The following CUBN variants were observed in gnomAD, a reference collection of about 807,000 sequenced individuals.
CUBN encodes 460 kDa receptor.
Under a neutral mutation model 405.3 loss-of-function variants are expected in CUBN, and 282 were observed. That is an observed-to-expected ratio of 0.70 (90% CI 0.63 to 0.77). The LOEUF is 0.77. Ranked by LOEUF, CUBN falls within the 30% of genes least tolerant of loss-of-function variation. The probability of loss-of-function intolerance (pLI) is 0.00; values close to 1 mark genes in which losing one functional copy is unlikely to be tolerated. For missense variants in CUBN, 4,514 were observed against 4,475.2 expected, an observed-to-expected ratio of 1.01 and a Z score of -0.25; for synonymous variants, 1,684 against 1,617.0, an observed-to-expected ratio of 1.04 and a Z score of -0.99.
chr10:17,056,803 A>G (rs1320219514), intron 22 of CUBN, among the ~76,000 whole-genome samples: 1 of 152,156 alleles, frequency 6.6e-6, no homozygotes, highest in Non-Finnish European at 1.5e-5. Flanking sequence ...CTTGCAATAC[A>G]TTTATCTGGC....
chr10:16,937,257 T>A (rs779209125), intron 39 of CUBN, among the ~76,000 whole-genome samples: 3 of 151,722 alleles, frequency 2.0e-5, no homozygotes, highest in Non-Finnish European at 2.9e-5. Flanking sequence ...AACTAACTGA[T>A]TGTGTGTGTG....
intron 14 of CUBN, among the ~76,000 whole-genome samples, chr10:17,099,013 T>A (rs1836436665): frequency 6.6e-6 from 1 of 152,204 alleles, no homozygotes; most frequent in African/African-American, 2.4e-5. Flanking sequence ...GTAATTCCCA[T>A]AAAATTCTTT....
chr10:17,024,208 A>G lies in CUBN; in HGVS notation c.4018-4225T>C, dbSNP rs78072397. 9.2e-5 allele frequency among the ~76,000 whole-genome samples: 14 copies of G among 152,332 alleles called. No individual in the cohort carries two copies. The East Asian group carries it at 2.5e-3, about 27-fold the overall frequency. ...AACAAAGGGGAGGATATAACACTAA[A>G]GACACCACGTGTGGTCAATCACTGA... On this transcript the variant is annotated intron_variant, in intron 27 of 66. Coordinates refer to ENST00000377833, the MANE Select transcript of CUBN (RefSeq NM_001081.4).
At chr10:17,050,616 G>T (rs946490828) in intron 22 of CUBN, among the ~76,000 whole-genome samples, 12 of 152,184 alleles carry the variant, frequency 7.9e-5, no homozygotes, top group African/African-American at 2.9e-4. Flanking sequence ...CTGCTACTAG[G>T]CTGGAAGCGG....
chr10:16,898,983 CA>C lies in CUBN; in HGVS notation c.8598+12del, dbSNP rs1313137180. Reference sequence around the variant, plus strand: ...ACCAACTTGGCTCCAATTAAATGAACAAGTGTACTAACCTTCACGAAGCTAT... The same window carrying C: ...ACCAACTTGGCTCCAATTAAATGAACAGTGTACTAACCTTCACGAAGCTAT... On this transcript the variant is annotated intron_variant, in intron 54 of 66. Coordinates refer to ENST00000377833, the MANE Select transcript of CUBN (RefSeq NM_001081.4). 1.1e-5 allele frequency: 17 copies of C among 1,583,532 alleles called. No homozygotes were observed. Among genetic ancestry groups the C allele is most frequent in the Admixed American group, 1.7e-5 (1 of 59,948 alleles).
chr10:16,842,507 G>A (rs2131323260), intron 60 of CUBN, among the ~76,000 whole-genome samples: 1 of 152,146 alleles, frequency 6.6e-6, no homozygotes, highest in East Asian at 1.9e-4. Context: ...AGTCATCTCT[G>A]ATTCCTCTCT....
At chr10:16,926,809 T>TTCTATCTATCTA (rs72523233) in intron 41 of CUBN, among the ~76,000 whole-genome samples, 1,689 of 41,686 alleles carry the variant, frequency 0.041, 11 homozygotes, top group African/African-American at 0.051. Context: ...AAATTTTTTT[T>TTCTATCTATCTA]TCTATCTATC....
rs761160932 is a variant in CUBN, at chr10:16,982,628, G to T, written c.4551C>A (p.Pro1517=). ...AATTTGGAGAATGAATCTCTCCACT[G>T]GGAGCCTGGAAAATCCCACCACAAC... ...TGGCGGIFQA[P]SGEIHSPNYP... is the part of the protein sequence containing the mutation. The change falls in exon 31 of 67, where the codon CCC becomes CCA. Residue 1517 remains proline, a synonymous_variant. Coordinates refer to ENST00000377833, the MANE Select transcript of CUBN (RefSeq NM_001081.4). The T allele has an allele frequency of 6.8e-6, 11 of 1,613,222 alleles. No individual in the cohort carries two copies. The highest frequency in any genetic ancestry group is 9.3e-6 in the Non-Finnish European group (11 of 1,179,370).
rs147267433 is a variant in CUBN at position 16,925,365 on chromosome 10, A to G, written c.6522T>C (p.His2174=). 6.2e-7 allele frequency: 1 copy of G among 1,613,882 alleles called. No individual in the cohort carries two copies. The highest frequency in any genetic ancestry group is 8.5e-7 in the Non-Finnish European group (1 of 1,179,888). The change falls in exon 43 of 67, where the codon CAT becomes CAC. Residue 2174 remains histidine (H), a synonymous_variant. Transcript: ENST00000377833. ...TTGATGAAGCATGACTGCCACAAAA[A>G]TGACCATTTCCTCCAGGGGGTCCCA... ...PPLGPPGGNG[H]FCGSHASSTL...
intron 44 of CUBN, among the ~76,000 whole-genome samples, chr10:16,919,262 T>C (rs1841970325): frequency 6.6e-6 from 1 of 152,190 alleles, no homozygotes; most frequent in East Asian, 1.9e-4. Context: ...GTATCTAACG[T>C]TTCTTCAGGA....
chr10:16,867,659 C>T (rs994030208), intron 59 of CUBN, among the ~76,000 whole-genome samples: 23 of 152,284 alleles, frequency 1.5e-4, no homozygotes, highest in Admixed American at 1.1e-3. Flanking sequence ...CAAGGAGTTC[C>T]GTTTCTACAT....
chr10:16,890,334 G>T (rs376972699), intron 55 of CUBN, 37 bp downstream of exon 55: 2 of 1,609,922 alleles, frequency 1.2e-6, no homozygotes, highest in South Asian at 1.1e-5. Flanking sequence ...CCACACTCCC[G>T]CAAAGACCTC....
At chr10:16,994,473 C>T (rs1833676415) in intron 28 of CUBN, among the ~76,000 whole-genome samples, 1 of 152,094 alleles carries the variant, frequency 6.6e-6, no homozygotes, top group Non-Finnish European at 1.5e-5. Flanking sequence ...GAATAAATAA[C>T]TCATCCTGCC....
At position 16,836,343 on chromosome 10, in the gene CUBN, C is replaced by T; in HGVS notation, c.10072G>A (p.Ala3358Thr). ...NSRFQFCGRN[A>T]SAVPVFYSSM... ...GAATAAAACACTGGCACAGCCGAAG[C>T]ATTTCTGCCACAGAACTGAAATCTT... Residue 3358 changes from alanine to threonine, a missense_variant, in exon 63 of 67, where the codon GCT becomes ACT. Ala to Thr is a moderately conservative substitution (Grantham distance 58). Coordinates refer to ENST00000377833, the MANE Select transcript of CUBN (RefSeq NM_001081.4). 1 of 1,614,002 alleles carries T rather than the reference C, an allele frequency of 6.2e-7. No homozygotes were observed. The highest frequency in any genetic ancestry group is 1.3e-5 in the African/African-American group (1 of 75,054).
In CUBN at chr10:17,127,936, A is replaced by C; in HGVS notation, c.253-12T>G. On this transcript the variant is annotated splice_polypyrimidine_tract_variant and intron_variant, in intron 2 of 66. Transcript: ENST00000377833. ...TTGTTTTTCTGGATCTAATTTTAGA[A>C]AAAGAAGAAGAAATGAAGAGCACTA... The C allele has an allele frequency of 6.4e-7, 1 of 1,552,528 alleles. No individual in the cohort carries two copies. The highest frequency in any genetic ancestry group is 8.9e-7 in the Non-Finnish European group (1 of 1,126,328).
chr10:17,056,499 C>T lies in CUBN; in HGVS notation c.3140-8896G>A, dbSNP rs532088527. On this transcript the variant is annotated intron_variant, in intron 22 of 66. Coordinates refer to ENST00000377833, the MANE Select transcript of CUBN (RefSeq NM_001081.4). ...TGGCGGGCGCCTGCAGTCCCAGCTACTCGGGAGGCTGAGGCAAGAGAATGG... is the reference window on the plus strand; with the variant it reads ...TGGCGGGCGCCTGCAGTCCCAGCTATTCGGGAGGCTGAGGCAAGAGAATGG... Among the ~76,000 whole-genome samples, 269 of 152,048 alleles carry T rather than the reference C, an allele frequency of 1.8e-3. 2 individuals are homozygous for T. The highest frequency in any genetic ancestry group is 6.3e-3 in the African/African-American group (260 of 41,510).
Position 16,829,038 on chromosome 10 carries a change from A to G in CUBN, c.10531T>C (p.Cys3511Arg). 2 of 1,613,108 alleles carry G rather than the reference A, an allele frequency of 1.2e-6. No homozygotes were observed. ...CTGTCTCCATAAAGAGTTCCACCAC[A>G]TCCTGCAAGGAAAACAGGACAGGAA... ...EIIWTSSPSG[C>R]GGTLYGDRGS... Residue 3511 changes from cysteine (C) to arginine (R), a missense_variant and splice_region_variant, in exon 66 of 67, where the codon TGT (cysteine) becomes CGT (arginine). Physicochemically the swap from Cys to Arg is radical, Grantham distance 180. This residue lies in a region of CUBN where 1,186 missense variants were observed against 1,186.9 expected (regional missense o/e 1.00). Coordinates refer to ENST00000377833, the MANE Select transcript of CUBN (RefSeq NM_001081.4).
chr10:17,048,001 G>C (rs1835178929), intron 22 of CUBN, among the ~76,000 whole-genome samples: 1 of 152,210 alleles, frequency 6.6e-6, no homozygotes, highest in South Asian at 2.1e-4. Flanking sequence ...GCATTTATGA[G>C]AAATGACAAA....
chr10:16,901,233 G>T, intron 52 of CUBN, 105 bp downstream of exon 52: 1 of 1,478,534 alleles, frequency 6.8e-7, no homozygotes, highest in Admixed American at 1.7e-5. Context: ...TAGAATCAAA[G>T]CCTTCTCTAA....
Sources: gnomAD v4.1 joint callset for allele counts (sites outside exome capture counted in the v4.1 genomes callset) on GRCh38, gnomAD v4.1.1 for gene constraint, gnomAD v4.1.1 regional missense constraint, MANE v1.5 for transcripts, NCBI Gene and HGNC (gene_info 2026-07-23, HGNC 2026-07-21) for gene names.